The following MAPK9 variants were observed in gnomAD, a reference collection of about 807,000 sequenced individuals.
The protein encoded by MAPK9 is Jun kinase.
Under a neutral mutation model 57.1 loss-of-function variants are expected in MAPK9, and 30 were observed. The observed-to-expected ratio is 0.53, with a 90% confidence interval of 0.39 to 0.71. MAPK9 has a LOEUF of 0.71. MAPK9 is among the 30% of genes least tolerant of loss of function. MAPK9 has a pLI of 0.00. For missense variants in MAPK9, 362 were observed against 521.0 expected, an observed-to-expected ratio of 0.69 and a Z score of 2.97; for synonymous variants, 155 against 177.0, an observed-to-expected ratio of 0.88 and a Z score of 0.99.
At chr5:180,269,183 T>C in intron 3 of MAPK9, 97 bp downstream of exon 3, 1 of 1,290,324 alleles carries the variant, frequency 7.7e-7, no homozygotes. Context: ...CCTTAGCTTA[T>C]CCTAGGTCTG....
intron 5 of MAPK9, among the ~76,000 whole-genome samples, chr5:180,260,475 T>C (rs1307403238): frequency 1.3e-5 from 2 of 152,214 alleles, no homozygotes; most frequent in Non-Finnish European, 2.9e-5. Context: ...ATGAATGAAA[T>C]GTTATACAAG....
intron 3 of MAPK9, among the ~76,000 whole-genome samples, chr5:180,268,837 G>C (rs1760960906): frequency 7.3e-6 from 1 of 136,616 alleles, no homozygotes; most frequent in African/African-American, 2.8e-5. Context: ...CAAAAAAAAA[G>C]AATGTTATCA....
Position 180,280,573 on chromosome 5 carries a change from C to T in MAPK9, c.-12G>A. 1 of 1,610,932 alleles carries T rather than the reference C, an allele frequency of 6.2e-7. No homozygotes were observed. Among genetic ancestry groups the T allele is most frequent in the Non-Finnish European group, 8.5e-7 (1 of 1,178,828 alleles). ...TTACTGTCGCTCATGATGCAGCGTC[C>T]TGCAATATCCCGAAGGGTGGGCAAG... is the stretch of plus-strand genomic sequence containing the variant. On this transcript the variant is annotated 5_prime_UTR_variant, in exon 2 of 12. Transcript: ENST00000452135.
At chr5:180,291,650 C>G (rs1201763959) in intron 1 of MAPK9, among the ~76,000 whole-genome samples, 198 bp downstream of exon 1, 7 of 151,812 alleles carry the variant, frequency 4.6e-5, no homozygotes, top group Admixed American at 4.6e-4. Flanking sequence ...AGCAGGCCCG[C>G]AGCCCGGGGC....
At chr5:180,271,092 T>G (rs970058536) in intron 2 of MAPK9, among the ~76,000 whole-genome samples, 6 of 152,224 alleles carry the variant, frequency 3.9e-5, no homozygotes, top group African/African-American at 1.4e-4. Flanking sequence ...GTAATGCATA[T>G]GTTAATTCGC....
intron 7 of MAPK9, chr5:180,246,321 C>T (rs1056394094): frequency 7.3e-5 from 11 of 151,626 alleles, no homozygotes; most frequent in Non-Finnish European, 1.2e-4. Flanking sequence ...TTTAGTAGAA[C>T]AAATAAAATA....
intron 8 of MAPK9, 56 bp downstream of exon 8, chr5:180,242,517 G>C: frequency 6.7e-7 from 1 of 1,487,372 alleles, no homozygotes. Flanking sequence ...ACATGAAAGA[G>C]TGAAAGCACC....
At chr5:180,277,909 T>C (rs1761967634) in intron 2 of MAPK9, among the ~76,000 whole-genome samples, 2 of 152,150 alleles carry the variant, frequency 1.3e-5, no homozygotes, top group Admixed American at 6.5e-5. Context: ...GAAGCGAAAA[T>C]CACTTATAAA....
intron 6 of MAPK9, chr5:180,248,063 G>A (rs1758298263): frequency 5.8e-6 from 4 of 685,386 alleles, no homozygotes; most frequent in South Asian, 4.0e-5. Flanking sequence ...CACACCTCCT[G>A]AGCGATCATT....
chr5:180,239,214 C>A (rs947945281), intron 10 of MAPK9, among the ~76,000 whole-genome samples: 1 of 152,230 alleles, frequency 6.6e-6, no homozygotes, highest in Non-Finnish European at 1.5e-5. Context: ...TAATTACCTA[C>A]GAAGTAAGTG....
intron 5 of MAPK9, among the ~76,000 whole-genome samples, chr5:180,251,519 T>C (rs1377951629): frequency 2.0e-5 from 3 of 152,200 alleles, no homozygotes; most frequent in Admixed American, 6.5e-5. Context: ...AGTCCCAAGC[T>C]TGTGTGGGTG....
At chr5:180,274,414 G>T (rs559719251) in intron 2 of MAPK9, among the ~76,000 whole-genome samples, 3 of 152,334 alleles carry the variant, frequency 2.0e-5, no homozygotes, top group Non-Finnish European at 4.4e-5. Flanking sequence ...TCATGGAAAG[G>T]GTGGAAAATC....
At chr5:180,249,845 C>A (rs989976937) in intron 5 of MAPK9, among the ~76,000 whole-genome samples, 1 of 152,052 alleles carries the variant, frequency 6.6e-6, no homozygotes, top group Non-Finnish European at 1.5e-5. Flanking sequence ...TAGTACTGAG[C>A]CTTTGAAGTC....
intron 3 of MAPK9, among the ~76,000 whole-genome samples, chr5:180,267,277 C>G (rs955708324): frequency 6.6e-6 from 1 of 151,822 alleles, no homozygotes; most frequent in Admixed American, 6.6e-5. Flanking sequence ...GTAAGTAAAA[C>G]AAGTCCGGGT....
At chr5:180,236,555 A>C in intron 11 of MAPK9, 29 bp from the exon 12 acceptor site, 1 of 1,601,420 alleles carries the variant, frequency 6.2e-7, no homozygotes, top group Non-Finnish European at 8.5e-7. Context: ...ATATAATAAA[A>C]TCTGAGGCAC....
At chr5:180,271,143 A>G (rs1414143605) in intron 2 of MAPK9, among the ~76,000 whole-genome samples, 2 of 152,216 alleles carry the variant, frequency 1.3e-5, no homozygotes, top group South Asian at 4.1e-4. Context: ...TTTCAGAACA[A>G]TATGCTGGAC....
At chr5:180,257,104 A>T (rs1231258083) in intron 5 of MAPK9, among the ~76,000 whole-genome samples, 1 of 152,188 alleles carries the variant, frequency 6.6e-6, no homozygotes. Context: ...GTTCTATTTT[A>T]AAAAACAGTA....
intron 5 of MAPK9, among the ~76,000 whole-genome samples, chr5:180,254,882 A>G (rs1759101685): frequency 6.6e-6 from 1 of 152,122 alleles, no homozygotes; most frequent in East Asian, 1.9e-4. Context: ...AAAATACAAA[A>G]AATTAGCTGG....
At chr5:180,249,634 C>T (rs1758469934) in intron 5 of MAPK9, among the ~76,000 whole-genome samples, 1 of 152,236 alleles carries the variant, frequency 6.6e-6, no homozygotes, top group Non-Finnish European at 1.5e-5. Flanking sequence ...CAGGGCAGTG[C>T]TGTCCCACAG....
Sources: allele counts gnomAD v4.1 joint callset (sites outside exome capture counted in the v4.1 genomes callset), GRCh38; gene constraint gnomAD v4.1.1; transcripts MANE v1.5; gene names NCBI Gene and HGNC (gene_info 2026-07-23, HGNC 2026-07-21).